LPP: variants seen among roughly 807,000 people sequenced by gnomAD.
LPP encodes lipoma-preferred partner.
A neutral mutation model predicts 60.4 loss-of-function variants in LPP; 38 were observed. That is an observed-to-expected ratio of 0.63 (90% CI 0.49 to 0.83). The LOEUF (loss-of-function observed/expected upper bound fraction) is 0.83, where lower values mean the gene tolerates loss of function less well. LPP is among the 40% of genes least tolerant of loss of function. The pLI is 0.00. For synonymous variants in LPP, 328 were observed against 290.8 expected, an observed-to-expected ratio of 1.13 and a Z score of -1.30; for missense variants, 902 against 783.6, an observed-to-expected ratio of 1.15 and a Z score of -1.80.
At chr3:188,381,650 G>T (rs1012882220) in intron 3 of LPP, among the ~76,000 whole-genome samples, 7 of 152,170 alleles carry the variant, frequency 4.6e-5, no homozygotes, top group Non-Finnish European at 1.0e-4. Flanking sequence ...AGTGAAGGAA[G>T]CTTCACTTTT....
intron 10 of LPP, among the ~76,000 whole-genome samples, chr3:188,867,856 G>A (rs913104569): frequency 6.6e-6 from 1 of 152,110 alleles, no homozygotes; most frequent in Admixed American, 6.5e-5. Context: ...TCACCACTGT[G>A]TTGATTGTCA....
At chr3:188,372,841 A>C (rs987256266) in intron 3 of LPP, among the ~76,000 whole-genome samples, 3 of 151,990 alleles carry the variant, frequency 2.0e-5, no homozygotes, top group Non-Finnish European at 4.4e-5. Context: ...GTATCTCCTA[A>C]TGCTATCCCT....
chr3:188,843,786 C>CAGAAAAAAAAAAAAAAAAAAAAA (rs1760737186), intron 9 of LPP, among the ~76,000 whole-genome samples: 1 of 75,734 alleles, frequency 1.3e-5, no homozygotes, highest in Admixed American at 1.5e-4. Flanking sequence ...GACTCCGTCT[C>CAGAAAAAAAAAAAAAAAAAAAAA]AAAAAAAAAA....
chr3:188,762,075 T>C (rs762488913), intron 9 of LPP, among the ~76,000 whole-genome samples: 1 of 152,222 alleles, frequency 6.6e-6, no homozygotes, highest in Non-Finnish European at 1.5e-5. Context: ...TTTGCTACTT[T>C]AATGATGCTA....
intron 3 of LPP, among the ~76,000 whole-genome samples, chr3:188,387,351 G>C (rs1778563488): frequency 6.6e-6 from 1 of 151,876 alleles, no homozygotes; most frequent in African/African-American, 2.4e-5. Flanking sequence ...TGTATCTCTT[G>C]ACATCATACA....
intron 9 of LPP, among the ~76,000 whole-genome samples, chr3:188,809,396 T>C (rs1181323190): frequency 6.6e-6 from 1 of 152,216 alleles, no homozygotes; most frequent in African/African-American, 2.4e-5. Context: ...TGAGATGGCA[T>C]CTCATTGTGA....
At chr3:188,671,054 C>A (rs1856856665) in intron 7 of LPP, among the ~76,000 whole-genome samples, 1 of 152,172 alleles carries the variant, frequency 6.6e-6, no homozygotes, top group African/African-American at 2.4e-5. Flanking sequence ...TTAAGTCTTG[C>A]CAGATTGTTC....
intron 4 of LPP, among the ~76,000 whole-genome samples, chr3:188,434,604 T>A (rs1791845655): frequency 6.6e-6 from 1 of 152,216 alleles, no homozygotes; most frequent in South Asian, 2.1e-4. Context: ...GCCAAGTAGA[T>A]GTATCCTAAG....
intron 4 of LPP, among the ~76,000 whole-genome samples, chr3:188,462,537 A>T (rs1799205438): frequency 9.6e-6 from 1 of 104,020 alleles, no homozygotes. Flanking sequence ...GCCAATTTAT[A>T]TGAGCTTTAT....
At chr3:188,249,814 C>G (rs1388831397) in intron 2 of LPP, among the ~76,000 whole-genome samples, 1 of 142,424 alleles carries the variant, frequency 7.0e-6, no homozygotes, top group African/African-American at 2.7e-5. Flanking sequence ...CCCTCCCTTC[C>G]TCTCTTTCTC....
chr3:188,679,965 T>A (rs1859103962), intron 7 of LPP, among the ~76,000 whole-genome samples: 1 of 152,180 alleles, frequency 6.6e-6, no homozygotes, highest in African/African-American at 2.4e-5. Context: ...TAAAGTTCAT[T>A]GGTTTTAATC....
intron 2 of LPP, among the ~76,000 whole-genome samples, chr3:188,303,352 C>T (rs1328736471): frequency 6.6e-6 from 1 of 152,174 alleles, no homozygotes; most frequent in Non-Finnish European, 1.5e-5. Context: ...AAATAGAGAA[C>T]TTTGTTTTGT....
chr3:188,472,697 G>A (rs1411265785), intron 4 of LPP: 1 of 152,146 alleles, frequency 6.6e-6, no homozygotes, highest in Non-Finnish European at 1.5e-5. Flanking sequence ...CCCAACATTG[G>A]GGAAAAGGAA....
intron 4 of LPP, among the ~76,000 whole-genome samples, chr3:188,471,190 C>G (rs893214189): frequency 8.5e-5 from 13 of 152,284 alleles, no homozygotes; most frequent in African/African-American, 2.6e-4. Flanking sequence ...TGTCCTTATG[C>G]TAGGACCACA....
intron 2 of LPP, among the ~76,000 whole-genome samples, chr3:188,288,809 C>G (rs945016878): frequency 2.5e-5 from 1 of 40,476 alleles, no homozygotes; most frequent in African/African-American, 2.2e-4. Context: ...CTCTCTCTCT[C>G]CACCCCCCAC....
At chr3:188,741,308 T>C (rs993929573) in intron 8 of LPP, among the ~76,000 whole-genome samples, 1 of 152,074 alleles carries the variant, frequency 6.6e-6, no homozygotes, top group Non-Finnish European at 1.5e-5. Flanking sequence ...ATCCTTGTGC[T>C]GGTACTCCGC....
intron 4 of LPP, among the ~76,000 whole-genome samples, chr3:188,441,093 A>T (rs1317674132): frequency 1.3e-5 from 2 of 151,904 alleles, no homozygotes; most frequent in Non-Finnish European, 2.9e-5. Context: ...TTTTGTTTAT[A>T]AAAAATATTC....
intron 8 of LPP, chr3:188,758,860 A>G: frequency 6.6e-6 from 1 of 152,248 alleles, no homozygotes. Context: ...CAGTTTCCTC[A>G]TCTGTGAAAT....
At chr3:188,760,709 T>C (rs1054646597) in intron 9 of LPP, among the ~76,000 whole-genome samples, 8 of 152,206 alleles carry the variant, frequency 5.3e-5, no homozygotes, top group African/African-American at 1.9e-4. Context: ...ACAGAATCTC[T>C]GGACTTGTCA....
Sources: gnomAD v4.1 joint callset for allele counts (sites outside exome capture counted in the v4.1 genomes callset) on GRCh38, gnomAD v4.1.1 for gene constraint, MANE v1.5 for transcripts, NCBI Gene and HGNC (gene_info 2026-07-23, HGNC 2026-07-21) for gene names.